MYT1L: variants seen among roughly 807,000 people sequenced by gnomAD.
MYT1L encodes the protein myelin transcription factor 1-like protein.
A neutral mutation model predicts 126.7 loss-of-function variants in MYT1L; 12 were observed. That is an observed-to-expected ratio of 0.09 (90% confidence interval 0.06 to 0.15). The LOEUF (loss-of-function observed/expected upper bound fraction) is 0.15. Ranked by LOEUF, MYT1L falls within the 10% of genes least tolerant of loss-of-function variation. MYT1L has a pLI of 1.00. For synonymous variants in MYT1L, 541 were observed against 604.2 expected, an observed-to-expected ratio of 0.90 and a Z score of 1.53; for missense variants, 979 against 1,585.2, an observed-to-expected ratio of 0.62 and a Z score of 6.49.
chr2:1,888,600 A>C (rs976518955), intron 16 of MYT1L, among the ~76,000 whole-genome samples: 1 of 152,244 alleles, frequency 6.6e-6, no homozygotes, highest in Admixed American at 6.5e-5. Context: ...AAGTCGGTAC[A>C]TAAAGAAAAC....
intron 4 of MYT1L, among the ~76,000 whole-genome samples, chr2:2,029,911 A>G (rs2066045461): frequency 6.6e-6 from 1 of 152,214 alleles, no homozygotes; most frequent in African/African-American, 2.4e-5. Flanking sequence ...TATAATTTAT[A>G]TAACTTTTTT....
chr2:2,287,549 G>A (rs143207309), intron 1 of MYT1L, among the ~76,000 whole-genome samples: 41 of 152,212 alleles, frequency 2.7e-4, no homozygotes, highest in African/African-American at 9.6e-4. Flanking sequence ...TATAAATACT[G>A]TATTTACTGA....
intron 2 of MYT1L, among the ~76,000 whole-genome samples, chr2:2,201,898 T>A (rs188090355): frequency 1.0e-3 from 153 of 152,238 alleles, no homozygotes; most frequent in Admixed American, 3.8e-3. Context: ...AATACAGACT[T>A]TTATTGGGAG....
intron 23 of MYT1L, among the ~76,000 whole-genome samples, chr2:1,797,128 C>T (rs1396449027): frequency 6.6e-6 from 1 of 152,156 alleles, no homozygotes; most frequent in Admixed American, 6.5e-5. Flanking sequence ...AAGCTGAGGC[C>T]ACACTGAATC....
At chr2:2,147,916 C>T (rs1267598937) in intron 3 of MYT1L, among the ~76,000 whole-genome samples, 2 of 152,214 alleles carry the variant, frequency 1.3e-5, no homozygotes, top group African/African-American at 4.8e-5. Context: ...TACACTTTGT[C>T]TTTCACTTTC....
chr2:2,242,784 C>G (rs1034730060), intron 2 of MYT1L, among the ~76,000 whole-genome samples: 11 of 152,076 alleles, frequency 7.2e-5, no homozygotes, highest in African/African-American at 2.7e-4. Flanking sequence ...AATATGAAGT[C>G]GAATATGGCT....
chr2:1,911,356 A>G (rs1423946299), intron 12 of MYT1L, among the ~76,000 whole-genome samples: 1 of 152,232 alleles, frequency 6.6e-6, no homozygotes, highest in Non-Finnish European at 1.5e-5. Context: ...GACAAACTTT[A>G]AAAGAATCAC....
chr2:2,211,667 T>A (rs1369123319), intron 2 of MYT1L, among the ~76,000 whole-genome samples: 1 of 151,766 alleles, frequency 6.6e-6, no homozygotes, highest in Non-Finnish European at 1.5e-5. Flanking sequence ...TAGCTGGGCG[T>A]GGTGGCGGGC....
At chr2:2,133,089 A>G (rs2082596152) in intron 3 of MYT1L, among the ~76,000 whole-genome samples, 1 of 152,198 alleles carries the variant, frequency 6.6e-6, no homozygotes, top group Non-Finnish European at 1.5e-5. Context: ...GGGGGGGACG[A>G]AGACACACGT....
At chr2:1,896,224 T>C (rs2049545925) in intron 14 of MYT1L, among the ~76,000 whole-genome samples, 1 of 152,210 alleles carries the variant, frequency 6.6e-6, no homozygotes, top group Non-Finnish European at 1.5e-5. Flanking sequence ...AGAGAACACT[T>C]ATACATTCTT....
At chr2:2,325,821 T>TGA (rs1392496788) in intron 1 of MYT1L, 2 of 152,218 alleles carry the variant, frequency 1.3e-5, no homozygotes. Context: ...GAAGCTCTTT[T>TGA]GAGAGAGGGT....
intron 2 of MYT1L, among the ~76,000 whole-genome samples, chr2:2,226,308 T>C (rs901203577): frequency 2.6e-5 from 4 of 152,034 alleles, no homozygotes; most frequent in Non-Finnish European, 4.4e-5. Context: ...AACATCATAA[T>C]TGAGGAGGAA....
chr2:2,151,208 C>T (rs993363319), intron 3 of MYT1L, among the ~76,000 whole-genome samples: 11 of 152,148 alleles, frequency 7.2e-5, no homozygotes, highest in Non-Finnish European at 1.6e-4. Context: ...TAAAACACTG[C>T]AGCTTAAAAA....
intron 4 of MYT1L, among the ~76,000 whole-genome samples, chr2:2,038,295 TATAC>T (rs2067113812): frequency 6.6e-6 from 1 of 152,184 alleles, no homozygotes; most frequent in Non-Finnish European, 1.5e-5. Context: ...AATCCAACAT[TATAC>T]AATTTTAAGT....
At chr2:2,225,107 G>T (rs578023214) in intron 2 of MYT1L, among the ~76,000 whole-genome samples, 1 of 151,420 alleles carries the variant, frequency 6.6e-6, no homozygotes, top group African/African-American at 2.4e-5. Context: ...ACTGTTTAAA[G>T]GTTTTTTTTT....
rs187248916 is a variant in MYT1L, at chr2:2,314,699, C to T, written c.-521+16268G>A. Among the ~76,000 whole-genome samples the T allele has an allele frequency of 2.6e-5, 4 of 152,216 alleles. No homozygotes were observed. The East Asian group carries it at 7.7e-4, about 29-fold the overall frequency. The stretch of plus-strand genomic sequence containing the variant: ...CTCCACATGTATTAGCTATTTATCA[C>T]AATGTTCTCCCTCCCTCAAGACAAT... On this transcript the variant is annotated intron_variant, in intron 1 of 24. Transcript: ENST00000647738.
At chr2:1,914,788 G>A (rs890703024) in intron 11 of MYT1L, among the ~76,000 whole-genome samples, 4 of 152,098 alleles carry the variant, frequency 2.6e-5, no homozygotes, top group Admixed American at 1.3e-4. Flanking sequence ...CAGCCTGCCC[G>A]CCTATCTCTG....
intron 3 of MYT1L, among the ~76,000 whole-genome samples, chr2:2,143,799 G>A (rs888870091): frequency 6.6e-6 from 1 of 152,080 alleles, no homozygotes; most frequent in South Asian, 2.1e-4. Flanking sequence ...GAACGAAATC[G>A]TGTCCTTTGC....
intron 3 of MYT1L, among the ~76,000 whole-genome samples, chr2:2,109,075 G>C (rs1199326738): frequency 6.6e-6 from 1 of 152,208 alleles, no homozygotes; most frequent in Non-Finnish European, 1.5e-5. Flanking sequence ...CTAAAAGTCT[G>C]TGGATTCCTC....
Sources: gnomAD v4.1 joint callset for allele counts (sites outside exome capture counted in the v4.1 genomes callset) on GRCh38, gnomAD v4.1.1 for gene constraint, MANE v1.5 for transcripts, NCBI Gene and HGNC (gene_info 2026-07-23, HGNC 2026-07-21) for gene names.